Variants in DPF3 observed in about 807,000 individuals in gnomAD.
The protein encoded by DPF3 is double PHD fingers 3.
Under a neutral mutation model 56.8 loss-of-function variants are expected in DPF3, and 18 were observed. The ratio of observed to expected loss-of-function variants is 0.32; its 90% CI spans 0.22 to 0.47. The LOEUF is 0.47. Ranked by LOEUF, DPF3 falls within the 20% of genes least tolerant of loss-of-function variation. The probability of loss-of-function intolerance (pLI) is 1.00; values close to 1 mark genes in which losing one functional copy is unlikely to be tolerated. For missense variants in DPF3, 403 were observed against 488.8 expected, an observed-to-expected ratio of 0.82 and a Z score of 1.65; for synonymous variants, 188 against 180.2, an observed-to-expected ratio of 1.04 and a Z score of -0.35.
intron 8 of DPF3, among the ~76,000 whole-genome samples, chr14:72,673,020 A>G (rs1237016184): frequency 1.3e-5 from 2 of 152,236 alleles, no homozygotes; most frequent in African/African-American, 4.8e-5. Flanking sequence ...ATGTTTGGAA[A>G]GTAAATGAAC....
chr14:72,857,120 T>G (rs1013972040), intron 1 of DPF3, among the ~76,000 whole-genome samples: 1 of 152,178 alleles, frequency 6.6e-6, no homozygotes, highest in Admixed American at 6.5e-5. Context: ...ACCGAGCCCT[T>G]TGCTCAGAGT....
rs151201598 is a variant in DPF3 at position 72,664,589 on chromosome 14, C to CTT, written c.871+9649_871+9650dup. Reference sequence around the variant, plus strand: ...TCCCCACCCCTGTCCTGACATCCCCCTTTTCTCTCCTTTACCCCTCACCAC... The same window carrying CTT: ...TCCCCACCCCTGTCCTGACATCCCCCTTTTTTCTCTCCTTTACCCCTCACCAC... On this transcript the variant is annotated intron_variant, in intron 8 of 10. Transcript: ENST00000556509. 4.1e-3 allele frequency among the ~76,000 whole-genome samples: 621 copies of CTT among 151,986 alleles called. 4 individuals carry two copies. The highest frequency in any genetic ancestry group is 0.014 in the African/African-American group (592 of 41,358).
chr14:72,684,901 C>A (rs1887341547), intron 7 of DPF3, among the ~76,000 whole-genome samples: 1 of 152,106 alleles, frequency 6.6e-6, no homozygotes, highest in African/African-American at 2.4e-5. Flanking sequence ...AATTAGTGCC[C>A]TTATTAGACA....
intron 1 of DPF3, among the ~76,000 whole-genome samples, chr14:72,870,603 A>G (rs1269786503): frequency 1.3e-5 from 2 of 152,268 alleles, no homozygotes; most frequent in Non-Finnish European, 2.9e-5. Flanking sequence ...TGAGTAAAAC[A>G]ATAAATTGAT....
intron 9 of DPF3, among the ~76,000 whole-genome samples, chr14:72,625,601 C>T (rs1884776463): frequency 6.6e-6 from 1 of 152,182 alleles, no homozygotes; most frequent in Non-Finnish European, 1.5e-5. Flanking sequence ...TTCATTGCTT[C>T]TGTGTTGTCA....
chr14:72,782,774 A>G (rs1892034016), intron 1 of DPF3, among the ~76,000 whole-genome samples: 1 of 152,102 alleles, frequency 6.6e-6, no homozygotes, highest in African/African-American at 2.4e-5. Flanking sequence ...CAGAGGTTGC[A>G]GTGAGCCGAG....
intron 1 of DPF3, among the ~76,000 whole-genome samples, chr14:72,889,057 A>G (rs1886653305): frequency 6.6e-6 from 1 of 152,172 alleles, no homozygotes; most frequent in Admixed American, 6.5e-5. Context: ...AGCTTTAGAC[A>G]TTATGGTCTT....
intron 8 of DPF3, among the ~76,000 whole-genome samples, chr14:72,656,441 C>A (rs184899083): frequency 6.6e-6 from 1 of 152,286 alleles, no homozygotes; most frequent in East Asian, 1.9e-4. Context: ...GCCAATAATA[C>A]AATCAACATA....
chr14:72,879,729 T>C, intron 1 of DPF3: 2 of 1,454,750 alleles, frequency 1.4e-6, no homozygotes, highest in South Asian at 1.4e-5. Context: ...ACAAGAGTCG[T>C]CTCTCTGGGC....
intron 1 of DPF3, among the ~76,000 whole-genome samples, chr14:72,782,839 A>AG (rs1892041166): frequency 6.6e-6 from 1 of 151,654 alleles, no homozygotes; most frequent in Admixed American, 6.6e-5. Context: ...TCTCAAAGAA[A>AG]AAAAAAAAGT....
At chr14:72,887,174 C>T (rs1886581932) in intron 1 of DPF3, among the ~76,000 whole-genome samples, 1 of 151,376 alleles carries the variant, frequency 6.6e-6, no homozygotes, top group South Asian at 2.1e-4. Flanking sequence ...CACACACACA[C>T]ACACACACAC....
At chr14:72,865,545 G>A (rs913356781) in intron 1 of DPF3, among the ~76,000 whole-genome samples, 2 of 152,196 alleles carry the variant, frequency 1.3e-5, no homozygotes, top group African/African-American at 4.8e-5. Context: ...CAGAGAGATG[G>A]AAAGGGTTTT....
At chr14:72,835,885 A>G (rs897210590) in intron 1 of DPF3, among the ~76,000 whole-genome samples, 2 of 152,138 alleles carry the variant, frequency 1.3e-5, no homozygotes, top group Non-Finnish European at 2.9e-5. Flanking sequence ...CAGGCCCAGG[A>G]CACCCAGAAG....
chr14:72,727,192 G>A (rs1889440884), intron 4 of DPF3, among the ~76,000 whole-genome samples: 1 of 152,070 alleles, frequency 6.6e-6, no homozygotes, highest in South Asian at 2.1e-4. Context: ...ACCTGTCTTG[G>A]GGCCATCACA....
At chr14:72,803,314 A>G (rs1187588090) in intron 1 of DPF3, among the ~76,000 whole-genome samples, 2 of 152,192 alleles carry the variant, frequency 1.3e-5, no homozygotes, top group African/African-American at 2.4e-5. Flanking sequence ...TCAGACGCCA[A>G]TGGTTCTTAG....
chr14:72,670,864 AAAAT>A, intron 8 of DPF3: 1 of 1,182,664 alleles, frequency 8.5e-7, no homozygotes, highest in Non-Finnish European at 1.1e-6. Context: ...ATTTCTATGG[AAAAT>A]AAATAGCGCA....
At chr14:72,887,140 CT>C in intron 1 of DPF3, among the ~76,000 whole-genome samples, 1 of 147,366 alleles carries the variant, frequency 6.8e-6, no homozygotes. Context: ...ATTGGTTACC[CT>C]TCTGCCTCCA....
intron 2 of DPF3, among the ~76,000 whole-genome samples, chr14:72,758,563 T>C (rs1346152745): frequency 6.6e-6 from 1 of 152,152 alleles, no homozygotes; most frequent in Non-Finnish European, 1.5e-5. Flanking sequence ...GATCCATTTA[T>C]GCCTGTGAGG....
At chr14:72,621,444 C>T (rs1166079036) in intron 9 of DPF3, among the ~76,000 whole-genome samples, 2 of 152,132 alleles carry the variant, frequency 1.3e-5, no homozygotes, top group Non-Finnish European at 2.9e-5. Context: ...TCACCTTGGC[C>T]CCCACCAGTG....
Sources: allele counts gnomAD v4.1 joint callset (sites outside exome capture counted in the v4.1 genomes callset), GRCh38; gene constraint gnomAD v4.1.1; transcripts MANE v1.5; gene names NCBI Gene and HGNC (gene_info 2026-07-23, HGNC 2026-07-21).